The following SLC45A4 variants were observed in gnomAD, a reference collection of about 807,000 sequenced individuals.
SLC45A4 encodes solute carrier family 45 member 4.
A neutral mutation model predicts 63.7 loss-of-function variants in SLC45A4; 32 were observed. That is an observed-to-expected ratio of 0.50 (90% CI 0.38 to 0.67). The LOEUF (loss-of-function observed/expected upper bound fraction) is 0.67, where lower values mean the gene tolerates loss of function less well. SLC45A4 is among the 30% of genes least tolerant of loss of function. The pLI, the probability that SLC45A4 is intolerant of heterozygous loss-of-function variation, is 0.00. For synonymous variants in SLC45A4, 535 were observed against 510.0 expected (o/e 1.05, Z -0.66); for missense variants, 1,027 against 1,157.7 (o/e 0.89, Z 1.64).
At chr8:141,279,423 C>T (rs1000436640) in intron 1 of SLC45A4, among the ~76,000 whole-genome samples, 15 of 152,278 alleles carry the variant, frequency 9.9e-5, no homozygotes, top group African/African-American at 2.9e-4. Flanking sequence ...TGCAATCCCA[C>T]GGACCACATC....
At chr8:141,234,820 T>TC (rs918800131) in intron 2 of SLC45A4, among the ~76,000 whole-genome samples, 2 of 151,948 alleles carry the variant, frequency 1.3e-5, no homozygotes, top group Non-Finnish European at 2.9e-5. Flanking sequence ...CTCTGGCCCC[T>TC]CCCCCCAGCA....
intron 1 of SLC45A4, among the ~76,000 whole-genome samples, chr8:141,264,220 C>T (rs1310797559): frequency 6.6e-6 from 1 of 152,248 alleles, no homozygotes; most frequent in Admixed American, 6.5e-5. Flanking sequence ...TCCATATGCT[C>T]GAGTGTGGTG....
At position 141,228,433 on chromosome 8, in the gene SLC45A4, G is replaced by A. The variant is rs375430639; in HGVS notation, c.242-6668C>T. 3.2e-5 allele frequency: 45 copies of A among 1,412,928 alleles called. No individual in the cohort carries two copies. The African/African-American group carries it at 3.9e-4, about 12-fold the overall frequency. 87.5% of individuals were successfully genotyped at this position (1,412,928 alleles called of 1,614,324 possible). A position where few individuals can be genotyped will look rare whatever the true frequency, so the allele number is the denominator to read the frequency against. On this transcript the variant is annotated intron_variant, in intron 2 of 8. Transcript: ENST00000517878. ...TCCAGAAAGCCAGCGGGAACATTCC[G>A]CAGCTGCTGTCCTGTCTCAGGGCCG...
chr8:141,255,724 AAAAC>A (rs1828742190), intron 1 of SLC45A4, among the ~76,000 whole-genome samples: 1 of 126,048 alleles, frequency 7.9e-6, no homozygotes, highest in African/African-American at 3.3e-5. Flanking sequence ...TCAAAAAACA[AAAAC>A]AAAAACAAAC....
At chr8:141,239,594 A>ACACACG (rs149028516) in intron 2 of SLC45A4, among the ~76,000 whole-genome samples, 31,182 of 151,664 alleles carry the variant, frequency 0.21, 3,624 homozygotes, top group East Asian at 0.35. Context: ...ACACACACAC[A>ACACACG]CACACGCACG....
chr8:141,304,574 G>GC (rs1563687598), intron 1 of SLC45A4, among the ~76,000 whole-genome samples: 1 of 120,342 alleles, frequency 8.3e-6, no homozygotes, highest in East Asian at 2.4e-4. Context: ...AAAAAAAAAA[G>GC]GGGGGGAGAG....
At chr8:141,299,273 T>C (rs1830665945) in intron 1 of SLC45A4, among the ~76,000 whole-genome samples, 1 of 152,254 alleles carries the variant, frequency 6.6e-6, no homozygotes, top group Non-Finnish European at 1.5e-5. Context: ...TCATGATGTT[T>C]CTACGGAAGG....
At chr8:141,244,491 G>T (rs145631007) in intron 2 of SLC45A4, among the ~76,000 whole-genome samples, 1 of 152,208 alleles carries the variant, frequency 6.6e-6, no homozygotes, top group Non-Finnish European at 1.5e-5. Context: ...GTCCTTAGGG[G>T]ATGCACAGTC....
rs894315903 is a variant in SLC45A4 at position 141,254,168 on chromosome 8, G to T, written c.62C>A (p.Pro21His). Residue 21 changes from proline to histidine, a missense_variant, in exon 2 of 9, where the codon CCC becomes CAC. By Grantham distance (77) the Pro-to-His change is moderately conservative. Transcript: ENST00000517878. This position sits in a 1 kb window ranked among gnomAD's most constrained non-coding sequence, Gnocchi z 4.5. ...ESMQVQELSVPLPDPQKAGGA... is the reference protein window; with the variant it reads ...ESMQVQELSVHLPDPQKAGGA... ...TCCGGCTTTCTGCGGGTCCGGCAGG[G>T]GCACGGATAACTCTTGAACTTGCAT... 6.5e-7 allele frequency: 1 copy of T among 1,535,998 alleles called. No individual in the cohort carries two copies. The highest frequency in any genetic ancestry group is 1.4e-5 in the African/African-American group (1 of 73,044).
intron 2 of SLC45A4, chr8:141,228,192 C>T (rs2154614249): frequency 1.2e-6 from 2 of 1,614,048 alleles, no homozygotes; most frequent in South Asian, 2.2e-5. Context: ...TCTGAAGACT[C>T]CATTGATTTG....
At position 141,209,763 on chromosome 8, in the gene SLC45A4, C is replaced by G. The variant is rs1825707716; in HGVS notation, c.*1809G>C. 2 of 152,382 alleles carry G rather than the reference C, an allele frequency of 1.3e-5. No individual in the cohort carries two copies. The highest frequency in any genetic ancestry group is 6.5e-5 in the Admixed American group (1 of 15,302). The allele number at this position is 152,382 out of a possible 1,614,324, so 9.4% of individuals were successfully genotyped here. On this transcript the variant is annotated 3_prime_UTR_variant, in exon 9 of 9. Coordinates refer to ENST00000517878, the MANE Select transcript of SLC45A4 (RefSeq NM_001286646.2). ...AGGCCATGTGGAGGGCACTGAATGG[C>G]CTTTGTTGTCCTTACTTCAGATTAG...
chr8:141,213,585 A>C (rs1367402573), intron 7 of SLC45A4, among the ~76,000 whole-genome samples: 1 of 152,262 alleles, frequency 6.6e-6, no homozygotes, highest in African/African-American at 2.4e-5. Flanking sequence ...GTGTGGAGGG[A>C]AACTGACCTT....
chr8:141,266,232 C>T (rs999218902), intron 1 of SLC45A4, among the ~76,000 whole-genome samples: 13 of 152,216 alleles, frequency 8.5e-5, no homozygotes, highest in African/African-American at 3.1e-4. Context: ...CCTTTCACAG[C>T]CCCTACACAC....
chr8:141,281,828 T>G (rs1829958894), intron 1 of SLC45A4, among the ~76,000 whole-genome samples: 1 of 152,240 alleles, frequency 6.6e-6, no homozygotes, highest in African/African-American at 2.4e-5. Flanking sequence ...AGGGATATAT[T>G]TTTGGTTTAG....
chr8:141,293,318 G>A (rs1305676114), intron 1 of SLC45A4, among the ~76,000 whole-genome samples: 2 of 152,116 alleles, frequency 1.3e-5, no homozygotes, highest in African/African-American at 4.8e-5. Flanking sequence ...GCCAGGAGTG[G>A]TGGCAGGTGC....
At chr8:141,211,951 T>C (rs1158872856) in intron 8 of SLC45A4, 2 of 1,271,096 alleles carry the variant, frequency 1.6e-6, no homozygotes, top group East Asian at 3.0e-5. Context: ...AAAAAAATAT[T>C]TCAAATGATT....
At chr8:141,236,519 C>T (rs1827632627) in intron 2 of SLC45A4, among the ~76,000 whole-genome samples, 1 of 152,246 alleles carries the variant, frequency 6.6e-6, no homozygotes, top group South Asian at 2.1e-4. Flanking sequence ...ACAACCTATT[C>T]TGCACCCAAA....
intron 1 of SLC45A4, among the ~76,000 whole-genome samples, chr8:141,257,501 A>C (rs560209948): frequency 6.6e-6 from 1 of 152,258 alleles, no homozygotes; most frequent in Non-Finnish European, 1.5e-5. Flanking sequence ...CAGACCCTTC[A>C]TGCCTGCTCA....
chr8:141,280,149 C>T (rs931916403), intron 1 of SLC45A4, among the ~76,000 whole-genome samples: 1 of 152,206 alleles, frequency 6.6e-6, no homozygotes, highest in African/African-American at 2.4e-5. Flanking sequence ...CAGCCCCCTG[C>T]GAGCTGAGCA....
Sources: gnomAD v4.1 joint callset for allele counts (sites outside exome capture counted in the v4.1 genomes callset) on GRCh38, gnomAD v4.1.1 for gene constraint, Gnocchi (gnomAD v3.1) non-coding constraint, MANE v1.5 for transcripts, NCBI Gene and HGNC (gene_info 2026-07-23, HGNC 2026-07-21) for gene names.